The following TNFRSF13B variants were observed in gnomAD, a reference collection of about 807,000 sequenced individuals.
The protein encoded by TNFRSF13B is tumor necrosis factor receptor superfamily member 13B.
In TNFRSF13B, 34 loss-of-function variants were observed where a neutral mutation model predicts 24.0. The observed-to-expected ratio is 1.41, with a 90% CI of 1.08 to 1.88. TNFRSF13B has a LOEUF of 1.88. Ranked by LOEUF, TNFRSF13B falls within the 40% of genes most tolerant of loss-of-function variation. The pLI, the probability that TNFRSF13B is intolerant of heterozygous loss-of-function variation, is 0.00. For synonymous variants in TNFRSF13B, 173 were observed against 150.3 expected (o/e 1.15, Z -1.10); for missense variants, 415 against 380.8 (o/e 1.09, Z -0.75).
At chr17:16,957,263 A>T (rs1012957943) in intron 1 of TNFRSF13B, among the ~76,000 whole-genome samples, 4 of 150,846 alleles carry the variant, frequency 2.7e-5, no homozygotes, top group Non-Finnish European at 5.9e-5. Context: ...GAAGGGAACT[A>T]TCGCAAATTT....
At chr17:16,951,183 T>C (rs2087586030) in intron 2 of TNFRSF13B, among the ~76,000 whole-genome samples, 1 of 152,138 alleles carries the variant, frequency 6.6e-6, no homozygotes, top group African/African-American at 2.4e-5. Flanking sequence ...CATCTCCACT[T>C]TTAAACTGGG....
intron 1 of TNFRSF13B, among the ~76,000 whole-genome samples, chr17:16,963,860 A>G (rs932347997): frequency 3.3e-5 from 5 of 152,120 alleles, no homozygotes; most frequent in African/African-American, 1.2e-4. Flanking sequence ...TTTCTCATCC[A>G]GTCTTTCAAG....
In TNFRSF13B at chr17:16,966,836, T is replaced by C. The variant is rs1020906892; in HGVS notation, c.61+5179A>G. ...TTTTTTTTGTTTTTTCTTTTTCTTT[T>C]TTCTTTTTTTTTTTTTTTTTGAGAT... is the stretch of plus-strand genomic sequence containing the variant. On this transcript the variant is annotated intron_variant, in intron 1 of 4. Transcript: ENST00000261652. Among the ~76,000 whole-genome samples the C allele has an allele frequency of 8.1e-4, 88 of 108,792 alleles. 2 individuals are homozygous for C. The highest frequency in any genetic ancestry group is 6.2e-3 in the Admixed American group (63 of 10,098). 71.4% of individuals were successfully genotyped at this position (108,792 alleles called of 152,430 possible).
Position 16,939,198 on chromosome 17 carries a change from G to C in TNFRSF13B, c.*349C>G, listed in dbSNP as rs562213676. 1 of 240,982 alleles carries C rather than the reference G, an allele frequency of 4.1e-6. No homozygotes were observed. Among genetic ancestry groups the C allele is most frequent in the African/African-American group, 2.3e-5 (1 of 44,234 alleles). 14.9% of individuals were successfully genotyped at this position (240,982 alleles called of 1,614,324 possible). On this transcript the variant is annotated 3_prime_UTR_variant, in exon 5 of 5. Transcript: ENST00000261652. The stretch of plus-strand genomic sequence containing the variant: ...TGTGGTTAGGTGATGACGACCTACA[G>C]CTGCACTGGGAACTGGGACTCAGAG...
chr17:16,942,651 C>T (rs987865394), intron 3 of TNFRSF13B, among the ~76,000 whole-genome samples: 6 of 152,200 alleles, frequency 3.9e-5, no homozygotes, highest in African/African-American at 7.2e-5. Context: ...GCAGGGGAGA[C>T]GCTACCAGCC....
intron 2 of TNFRSF13B, among the ~76,000 whole-genome samples, chr17:16,950,009 A>G (rs570855489): frequency 1.3e-5 from 2 of 152,174 alleles, no homozygotes; most frequent in South Asian, 4.1e-4. Context: ...ATATTTCTAC[A>G]TGGAAGTTTT....
At chr17:16,961,213 C>G (rs1473020418) in intron 1 of TNFRSF13B, among the ~76,000 whole-genome samples, 1 of 152,204 alleles carries the variant, frequency 6.6e-6, no homozygotes, top group Non-Finnish European at 1.5e-5. Flanking sequence ...AAACATAAAA[C>G]TACCACAAGA....
chr17:16,972,053 C>T lies in TNFRSF13B; in HGVS notation c.23G>A (p.Arg8Lys), dbSNP rs1400728221. 2 of 1,614,116 alleles carry T rather than the reference C, an allele frequency of 1.2e-6. No homozygotes were observed. Among genetic ancestry groups the T allele is most frequent in the Admixed American group, 1.7e-5 (1 of 60,038 alleles). The change falls in exon 1 of 5, where the codon AGG (arginine) becomes AAG (lysine). Residue 8 changes from arginine to lysine, a missense_variant. Physicochemically the swap from Arg to Lys is conservative, Grantham distance 26. Transcript: ENST00000261652. MSGLGRSRRGGRSRVDQE... is the reference protein window; with the variant it reads MSGLGRSKRGGRSRVDQE... ...GTCCACACGGCTCCGGCCACCTCGC[C>T]TGCTCCGGCCCAGGCCACTCATTAC... is the stretch of plus-strand genomic sequence containing the variant.
chr17:16,963,888 CT>C (rs1328093712), intron 1 of TNFRSF13B, among the ~76,000 whole-genome samples: 2 of 152,134 alleles, frequency 1.3e-5, no homozygotes, highest in Admixed American at 6.5e-5. Flanking sequence ...TGACTGCAAA[CT>C]TGGGCTGGGG....
At chr17:16,957,122 C>T (rs773285474) in intron 1 of TNFRSF13B, among the ~76,000 whole-genome samples, 14 of 150,724 alleles carry the variant, frequency 9.3e-5, no homozygotes, top group Admixed American at 6.0e-4. Flanking sequence ...GATGTGGGAA[C>T]TCTCTGTACT....
intron 1 of TNFRSF13B, among the ~76,000 whole-genome samples, chr17:16,969,004 C>A (rs8075444): frequency 0.75 from 114,601 of 152,210 alleles, 43,459 homozygotes; most frequent in East Asian, 0.99. Flanking sequence ...TGAGATACCA[C>A]CTCACACCCC....
chr17:16,967,751 C>T lies in TNFRSF13B; in HGVS notation c.61+4264G>A, dbSNP rs188076935. 8.2e-3 allele frequency among the ~76,000 whole-genome samples: 201 copies of T among 24,480 alleles called. 1 individual carries two copies. The highest frequency in any genetic ancestry group is 0.023 in the African/African-American group (197 of 8,724). 16.1% of individuals were successfully genotyped at this position (24,480 alleles called of 152,430 possible). A position where few individuals can be genotyped will look rare whatever the true frequency, so the allele number is the denominator to read the frequency against. The stretch of plus-strand genomic sequence containing the variant: ...TGGGCGACAGAGTGAGACTCCGTCT[C>T]AAAAAAAAAAAAAAAAAAAAAGAAA... On this transcript the variant is annotated intron_variant, in intron 1 of 4. Coordinates refer to ENST00000261652, the MANE Select transcript of TNFRSF13B (RefSeq NM_012452.3).
chr17:16,967,066 T>A (rs2087706727), intron 1 of TNFRSF13B, among the ~76,000 whole-genome samples: 1 of 152,154 alleles, frequency 6.6e-6, no homozygotes, highest in Non-Finnish European at 1.5e-5. Context: ...CTGGAACTCC[T>A]GACTTCAGGT....
At chr17:16,966,269 A>C (rs928151784) in intron 1 of TNFRSF13B, among the ~76,000 whole-genome samples, 8 of 151,200 alleles carry the variant, frequency 5.3e-5, no homozygotes, top group African/African-American at 1.5e-4. Context: ...AAAAAACACC[A>C]AAAAAACAAA....
intron 1 of TNFRSF13B, among the ~76,000 whole-genome samples, chr17:16,966,528 C>A (rs1365039518): frequency 6.6e-6 from 1 of 152,160 alleles, no homozygotes; most frequent in East Asian, 1.9e-4. Context: ...TACACTGATA[C>A]CATATTCATG....
intron 1 of TNFRSF13B, among the ~76,000 whole-genome samples, chr17:16,964,337 C>CTTTT (rs71355533): frequency 5.5e-4 from 44 of 79,818 alleles, no homozygotes; most frequent in Non-Finnish European, 6.6e-4. Context: ...ATCTCCATGC[C>CTTTT]TTTTTTTTTT....
rs541431224 is a variant in TNFRSF13B at position 16,960,695 on chromosome 17, A to T, written c.62-8112T>A. On this transcript the variant is annotated intron_variant, in intron 1 of 4. Transcript: ENST00000261652. Reference sequence around the variant, plus strand: ...TCTCCATGCACTAAATTTGACAATGATATCTTGGATACAGCACCAAAGGCA... The same window carrying T: ...TCTCCATGCACTAAATTTGACAATGTTATCTTGGATACAGCACCAAAGGCA... 3.3e-5 allele frequency among the ~76,000 whole-genome samples: 5 copies of T among 152,332 alleles called. No homozygotes were observed. In the East Asian group the frequency reaches 9.6e-4, roughly 29 times the overall value.
At chr17:16,956,728 C>G (rs1257700309) in intron 1 of TNFRSF13B, among the ~76,000 whole-genome samples, 1 of 152,218 alleles carries the variant, frequency 6.6e-6, no homozygotes, top group East Asian at 1.9e-4. Flanking sequence ...GCAGTAACCT[C>G]AAATGCATAT....
At chr17:16,958,512 GAATT>G (rs2087639854) in intron 1 of TNFRSF13B, among the ~76,000 whole-genome samples, 1 of 151,764 alleles carries the variant, frequency 6.6e-6, no homozygotes, top group Admixed American at 6.6e-5. Context: ...TACAAAGCCA[GAATT>G]ATTTTACTTT....
Sources: gnomAD v4.1 joint callset for allele counts (sites outside exome capture counted in the v4.1 genomes callset) on GRCh38, gnomAD v4.1.1 for gene constraint, MANE v1.5 for transcripts, NCBI Gene and HGNC (gene_info 2026-07-23, HGNC 2026-07-21) for gene names.